The following WDPCP variants were observed in gnomAD, a reference collection of about 807,000 sequenced individuals.
The protein encoded by WDPCP is WD repeat-containing and planar cell polarity effector protein fritz homolog.
WDPCP carries 71 observed loss-of-function variants against 93.1 expected under a neutral mutation model. That is an observed-to-expected ratio of 0.76 (90% CI 0.63 to 0.93). The LOEUF (loss-of-function observed/expected upper bound fraction) is 0.93, where lower values mean the gene tolerates loss of function less well. Among genes scored for constraint, WDPCP ranks in the 40% least tolerant of loss-of-function variants. WDPCP has a pLI of 0.00. For synonymous variants in WDPCP, 315 were observed against 315.0 expected (o/e 1.00, Z 0.00); for missense variants, 844 against 887.4 (o/e 0.95, Z 0.62).
At chr2:63,242,578 C>T (rs1014892207) in intron 14 of WDPCP, among the ~76,000 whole-genome samples, 1 of 152,212 alleles carries the variant, frequency 6.6e-6, no homozygotes, top group South Asian at 2.1e-4. Flanking sequence ...GCTATGATGG[C>T]GCCACTGCAC....
intron 12 of WDPCP, among the ~76,000 whole-genome samples, chr2:63,351,234 G>A (rs749936085): frequency 3.3e-5 from 5 of 152,010 alleles, no homozygotes; most frequent in Non-Finnish European, 5.9e-5. Flanking sequence ...CATCCACCTC[G>A]GCCTCCCAAA....
chr2:63,625,136 T>G (rs779785428), intron 3 of WDPCP, among the ~76,000 whole-genome samples: 1 of 152,120 alleles, frequency 6.6e-6, no homozygotes, highest in Non-Finnish European at 1.5e-5. Context: ...CACCCCTTCA[T>G]GCAAAAAACT....
At chr2:63,663,097 C>G (rs1304720452) in intron 2 of WDPCP, among the ~76,000 whole-genome samples, 1 of 152,218 alleles carries the variant, frequency 6.6e-6, no homozygotes, top group Admixed American at 6.5e-5. Flanking sequence ...ACACAACAAT[C>G]TGTTGGCTGC....
intron 1 of WDPCP, among the ~76,000 whole-genome samples, chr2:63,535,516 T>C (rs1391941471): frequency 6.6e-6 from 1 of 152,046 alleles, no homozygotes; most frequent in East Asian, 1.9e-4. Context: ...AACAGAGATA[T>C]AGACCAATGG....
At chr2:63,646,517 A>G (rs1373175889) in intron 3 of WDPCP, among the ~76,000 whole-genome samples, 1 of 152,092 alleles carries the variant, frequency 6.6e-6, no homozygotes, top group African/African-American at 2.4e-5. Flanking sequence ...AGGTGATTAC[A>G]TACTGCTTGT....
At chr2:63,340,276 C>A (rs1475330696) in intron 12 of WDPCP, among the ~76,000 whole-genome samples, 1 of 152,058 alleles carries the variant, frequency 6.6e-6, no homozygotes, top group East Asian at 1.9e-4. Context: ...ATGGTGCGGT[C>A]CTAAAGGGAT....
intron 14 of WDPCP, among the ~76,000 whole-genome samples, chr2:63,202,388 C>T (rs1394103526): frequency 6.6e-6 from 1 of 152,056 alleles, no homozygotes; most frequent in African/African-American, 2.4e-5. Context: ...ATATGGCCAA[C>T]TTTTCCTGAA....
intron 14 of WDPCP, among the ~76,000 whole-genome samples, chr2:63,184,079 C>G (rs1167208484): frequency 1.3e-5 from 2 of 152,078 alleles, no homozygotes; most frequent in African/African-American, 4.8e-5. Flanking sequence ...AAAAACCCAT[C>G]TGCCAATCTA....
At chr2:63,464,502 C>G (rs1699217677) in intron 6 of WDPCP, among the ~76,000 whole-genome samples, 1 of 152,026 alleles carries the variant, frequency 6.6e-6, no homozygotes, top group Non-Finnish European at 1.5e-5. Context: ...AAAAATAGAA[C>G]TAGCGTATGA....
At chr2:63,424,952 A>C (rs184912489) in intron 9 of WDPCP, among the ~76,000 whole-genome samples, 1 of 152,354 alleles carries the variant, frequency 6.6e-6, no homozygotes, top group Admixed American at 6.5e-5. Context: ...AGATGCTGCG[A>C]ATGTGCTGAA....
chr2:63,699,677 C>T (rs940865934), intron 2 of WDPCP, among the ~76,000 whole-genome samples: 1 of 152,096 alleles, frequency 6.6e-6, no homozygotes, highest in Non-Finnish European at 1.5e-5. Context: ...CATAACAAAG[C>T]GAGAAGTCTC....
At chr2:63,200,075 C>T (rs1194248156) in intron 14 of WDPCP, among the ~76,000 whole-genome samples, 2 of 152,104 alleles carry the variant, frequency 1.3e-5, no homozygotes, top group African/African-American at 4.8e-5. Flanking sequence ...GGCCTGTAGT[C>T]CCTTTGTTTT....
At chr2:63,257,554 T>C (rs1574996400) in intron 14 of WDPCP, among the ~76,000 whole-genome samples, 3 of 152,230 alleles carry the variant, frequency 2.0e-5, no homozygotes, top group East Asian at 3.9e-4. Context: ...TGTCAAAACA[T>C]AGTAATCTAG....
intron 12 of WDPCP, among the ~76,000 whole-genome samples, chr2:63,317,709 C>T (rs915683476): frequency 1.1e-4 from 17 of 152,048 alleles, no homozygotes; most frequent in Admixed American, 1.0e-3. Context: ...ACTGGATAGT[C>T]GTATACAGAT....
At chr2:63,184,335 A>AT (rs1674470573) in intron 14 of WDPCP, among the ~76,000 whole-genome samples, 1 of 151,554 alleles carries the variant, frequency 6.6e-6, no homozygotes. Context: ...AGTTTTGTGT[A>AT]TTTTTTATGA....
chr2:63,307,455 A>G (rs1371536677), intron 13 of WDPCP, among the ~76,000 whole-genome samples: 2 of 152,226 alleles, frequency 1.3e-5, no homozygotes, highest in African/African-American at 4.8e-5. Flanking sequence ...AAAAAGAACA[A>G]AGCTGGAGGC....
intron 1 of WDPCP, among the ~76,000 whole-genome samples, chr2:63,555,547 C>G (rs951477574): frequency 2.0e-5 from 3 of 152,158 alleles, no homozygotes; most frequent in Admixed American, 6.5e-5. Context: ...TAGGTGAGAC[C>G]CCCCCGCAAC....
intron 1 of WDPCP, among the ~76,000 whole-genome samples, chr2:63,583,073 G>A (rs1402218521): frequency 6.6e-6 from 1 of 152,096 alleles, no homozygotes; most frequent in African/African-American, 2.4e-5. Flanking sequence ...CAAAAATAAC[G>A]ATGATGTTGT....
intron 2 of WDPCP, among the ~76,000 whole-genome samples, chr2:63,679,160 C>T (rs1710459447): frequency 1.3e-5 from 2 of 152,210 alleles, no homozygotes; most frequent in Admixed American, 1.3e-4. Context: ...GTTCCCAATA[C>T]CCCTACTCAA....
Sources: allele counts gnomAD v4.1 joint callset (sites outside exome capture counted in the v4.1 genomes callset), GRCh38; gene constraint gnomAD v4.1.1; transcripts MANE v1.5; gene names NCBI Gene and HGNC (gene_info 2026-07-23, HGNC 2026-07-21).